The following TRAPPC9 variants were observed in gnomAD, a reference collection of about 807,000 sequenced individuals.
TRAPPC9 encodes trafficking protein particle complex subunit 9, also known as IKK2 binding protein.
Under a neutral mutation model 124.0 loss-of-function variants are expected in TRAPPC9, and 83 were observed. The observed-to-expected ratio is 0.67, with a 90% CI of 0.56 to 0.80. The LOEUF is 0.80. TRAPPC9 is among the 30% of genes least tolerant of loss of function. The probability of loss-of-function intolerance (pLI) is 0.00; values close to 1 mark genes in which losing one functional copy is unlikely to be tolerated. For missense variants in TRAPPC9, 1,302 were observed against 1,508.3 expected (o/e 0.86, Z 2.27); for synonymous variants, 638 against 617.5 (o/e 1.03, Z -0.49).
At chr8:140,272,263 G>A (rs910393248) in intron 15 of TRAPPC9, among the ~76,000 whole-genome samples, 1 of 147,630 alleles carries the variant, frequency 6.8e-6, no homozygotes, top group African/African-American at 2.5e-5. Flanking sequence ...TTGGGGTGGT[G>A]TTTGTGGTGG....
At chr8:140,106,338 G>A (rs1044077061) in intron 17 of TRAPPC9, among the ~76,000 whole-genome samples, 19 of 151,646 alleles carry the variant, frequency 1.3e-4, no homozygotes, top group African/African-American at 2.7e-4. Context: ...AACTGATTTC[G>A]ACTGAAGATC....
intron 17 of TRAPPC9, among the ~76,000 whole-genome samples, chr8:140,144,682 T>C (rs1401414361): frequency 6.6e-6 from 1 of 152,164 alleles, no homozygotes; most frequent in Non-Finnish European, 1.5e-5. Context: ...AGACGGGGTT[T>C]CACCATGTTG....
chr8:140,049,930 G>C (rs1467614153), intron 17 of TRAPPC9, among the ~76,000 whole-genome samples: 1 of 152,208 alleles, frequency 6.6e-6, no homozygotes, highest in Non-Finnish European at 1.5e-5. Flanking sequence ...AAACTGGATG[G>C]CCATTGAGCA....
intron 21 of TRAPPC9, among the ~76,000 whole-genome samples, chr8:139,746,754 C>T (rs150861703): frequency 6.6e-5 from 10 of 152,330 alleles, no homozygotes; most frequent in African/African-American, 2.4e-4. Flanking sequence ...CTCATTTAAC[C>T]AAGCCCTCCC....
chr8:140,255,995 A>C (rs1177611041), intron 15 of TRAPPC9, among the ~76,000 whole-genome samples: 1 of 152,230 alleles, frequency 6.6e-6, no homozygotes, highest in Non-Finnish European at 1.5e-5. Flanking sequence ...GGGAGATGGA[A>C]TGGGTCAACA....
chr8:140,137,168 A>G (rs565667380), intron 17 of TRAPPC9, among the ~76,000 whole-genome samples: 3 of 152,250 alleles, frequency 2.0e-5, no homozygotes, highest in South Asian at 2.1e-4. Flanking sequence ...TTTTAACTTG[A>G]AACAGGGCCA....
intron 19 of TRAPPC9, among the ~76,000 whole-genome samples, chr8:139,952,545 A>G (rs2131513978): frequency 6.6e-6 from 1 of 152,306 alleles, no homozygotes; most frequent in Admixed American, 6.5e-5. Context: ...TCTCCCCGGG[A>G]GCAGTGAACA....
At chr8:140,359,708 T>C (rs34317386) in intron 9 of TRAPPC9, among the ~76,000 whole-genome samples, 29,970 of 152,174 alleles carry the variant, frequency 0.2, 3,844 homozygotes, top group Non-Finnish European at 0.29. Flanking sequence ...GTAAATGTTA[T>C]GCTTTGACAT....
chr8:139,988,673 T>A, intron 19 of TRAPPC9, 53 bp downstream of exon 19: 3 of 1,204,420 alleles, frequency 2.5e-6, no homozygotes, highest in Non-Finnish European at 2.4e-6. Flanking sequence ...CCAAGCAGCG[T>A]GGTGAAGGCA....
At chr8:140,119,893 C>T (rs1405239627) in intron 17 of TRAPPC9, among the ~76,000 whole-genome samples, 1 of 152,218 alleles carries the variant, frequency 6.6e-6, no homozygotes, top group African/African-American at 2.4e-5. Flanking sequence ...CAAAGTATTT[C>T]CCTCCATCTC....
At chr8:140,178,702 C>A (rs1334779672) in intron 17 of TRAPPC9, among the ~76,000 whole-genome samples, 1 of 152,006 alleles carries the variant, frequency 6.6e-6, no homozygotes. Flanking sequence ...TGTATTTCCT[C>A]TTTATTATAA....
chr8:140,174,152 T>C (rs974489218), intron 17 of TRAPPC9, among the ~76,000 whole-genome samples: 3 of 152,068 alleles, frequency 2.0e-5, no homozygotes, highest in African/African-American at 7.2e-5. Flanking sequence ...TTCTCACTTA[T>C]AAGTGGGAGC....
rs1821351000 is a variant in TRAPPC9 at position 139,776,134 on chromosome 8, C to T, written c.3056-43932G>A. On this transcript the variant is annotated intron_variant, in intron 21 of 22. Coordinates refer to ENST00000438773, the MANE Select transcript of TRAPPC9 (RefSeq NM_001160372.4). This position sits in a 1 kb window ranked among gnomAD's most constrained non-coding sequence, Gnocchi z 4.1. Reference sequence around the variant, plus strand: ...ACAAGAGGACGAGGCTGGACTCTGCCAGGACCACGTGCTAGTCATGGGGGC... The same window carrying T: ...ACAAGAGGACGAGGCTGGACTCTGCTAGGACCACGTGCTAGTCATGGGGGC... Among the ~76,000 whole-genome samples, 1 of 152,206 alleles carries T rather than the reference C, an allele frequency of 6.6e-6. No homozygotes were observed. Among genetic ancestry groups the T allele is most frequent in the Admixed American group, 6.5e-5 (1 of 15,286 alleles).
intron 21 of TRAPPC9, among the ~76,000 whole-genome samples, chr8:139,802,740 G>A (rs1823626873): frequency 6.6e-6 from 1 of 152,194 alleles, no homozygotes; most frequent in South Asian, 2.1e-4. Flanking sequence ...ATTCTGTTTG[G>A]AAAAAGTGAC....
rs551177950 is a variant in TRAPPC9, at chr8:140,079,030, T to C, written c.2557-54951A>G. On this transcript the variant is annotated intron_variant, in intron 17 of 22. Coordinates refer to ENST00000438773, the MANE Select transcript of TRAPPC9 (RefSeq NM_001160372.4). ...GACCCAGTGGGAGGTAACTGAATCA[T>C]AGGGGTGGGTATTTCCAATGCTGTT... 2.0e-5 allele frequency among the ~76,000 whole-genome samples: 3 copies of C among 152,200 alleles called. No homozygotes were observed. The South Asian group carries it at 6.2e-4, about 32-fold the overall frequency.
chr8:139,834,534 C>T (rs1025249561), intron 21 of TRAPPC9, among the ~76,000 whole-genome samples: 17 of 152,224 alleles, frequency 1.1e-4, no homozygotes, highest in African/African-American at 3.1e-4. Flanking sequence ...CGGAACGTGG[C>T]GTCTGGCGAA....
At chr8:140,116,726 A>G (rs1242734466) in intron 17 of TRAPPC9, among the ~76,000 whole-genome samples, 2 of 152,210 alleles carry the variant, frequency 1.3e-5, no homozygotes, top group Non-Finnish European at 2.9e-5. Context: ...TTCTGGCAGC[A>G]GCGGACAAGC....
intron 16 of TRAPPC9, among the ~76,000 whole-genome samples, chr8:140,222,826 T>A (rs1395467315): frequency 6.6e-6 from 1 of 152,180 alleles, no homozygotes; most frequent in Non-Finnish European, 1.5e-5. Context: ...AGACTTCCAG[T>A]GTAAACCAGG....
At chr8:140,230,148 C>G (rs1416995919) in intron 16 of TRAPPC9, among the ~76,000 whole-genome samples, 1 of 152,178 alleles carries the variant, frequency 6.6e-6, no homozygotes, top group Admixed American at 6.5e-5. Flanking sequence ...GAGCCAACGT[C>G]CAACCAAGAC....
Sources: gnomAD v4.1 joint callset for allele counts (sites outside exome capture counted in the v4.1 genomes callset) on GRCh38, gnomAD v4.1.1 for gene constraint, Gnocchi (gnomAD v3.1) non-coding constraint, MANE v1.5 for transcripts, NCBI Gene and HGNC (gene_info 2026-07-23, HGNC 2026-07-21) for gene names.